The following TRIM61 variants were observed in gnomAD, a reference collection of about 807,000 sequenced individuals.
The protein encoded by TRIM61 is tripartite motif containing 61.
Under a neutral mutation model 14.2 loss-of-function variants are expected in TRIM61, and 1 was observed. That is an observed-to-expected ratio of 0.07 (90% confidence interval 0.03 to 0.33). TRIM61 has a LOEUF of 0.33. Among genes scored for constraint, TRIM61 ranks in the 10% least tolerant of loss-of-function variants. TRIM61 has a pLI of 0.99. For missense variants in TRIM61, 19 were observed against 202.2 expected, an observed-to-expected ratio of 0.09 and a Z score of 5.49; for synonymous variants, 8 against 71.6, an observed-to-expected ratio of 0.11 and a Z score of 4.49.
intron 3 of TRIM61, among the ~76,000 whole-genome samples, chr4:164,962,315 G>C (rs1338450819): frequency 2.0e-5 from 3 of 151,516 alleles, no homozygotes; most frequent in Non-Finnish European, 4.4e-5. Context: ...CCGCCTCCCG[G>C]GTTCACGCCA....
Position 164,969,226 on chromosome 4 carries a change from A to G in TRIM61, c.525+252T>C, listed in dbSNP as rs543245071. 15 of 1,334,798 alleles carry G rather than the reference A, an allele frequency of 1.1e-5. No individual in the cohort carries two copies. In the East Asian group the frequency reaches 1.9e-4, roughly 17 times the overall value. 82.7% of individuals were successfully genotyped at this position (1,334,798 alleles called of 1,614,324 possible). On this transcript the variant is annotated intron_variant, in intron 3 of 4. Transcript: ENST00000329314. ...ACAGCTCAGGGAATTTTAAATTCTC[A>G]TATCTGTGATAGATATCCTTAACAT...
intron 3 of TRIM61, chr4:164,959,191 C>T (rs372299973): frequency 1.2e-5 from 2 of 166,658 alleles, no homozygotes; most frequent in East Asian, 1.9e-4. Flanking sequence ...TTTCTAAACT[C>T]GACATGTAAT....
chr4:164,971,656 A>C (rs966226549), intron 2 of TRIM61, among the ~76,000 whole-genome samples: 1 of 152,130 alleles, frequency 6.6e-6, no homozygotes, highest in African/African-American at 2.4e-5. Context: ...ACAGGGGTGA[A>C]TCCAGGGAAA....
At chr4:164,957,237 G>A (rs753311953) in intron 3 of TRIM61, 6 of 1,604,248 alleles carry the variant, frequency 3.7e-6, no homozygotes, top group Non-Finnish European at 5.1e-6. Context: ...GTCCAACAGC[G>A]GTCGCTCCAC....
chr4:164,956,201 G>A (rs1289589735), intron 3 of TRIM61, among the ~76,000 whole-genome samples: 2 of 152,152 alleles, frequency 1.3e-5, no homozygotes, highest in Admixed American at 6.6e-5. Flanking sequence ...GAGTAGCTGG[G>A]ACCACAGGGG....
intron 2 of TRIM61, among the ~76,000 whole-genome samples, chr4:164,972,685 C>T (rs934040440): frequency 1.3e-5 from 2 of 152,160 alleles, no homozygotes; most frequent in African/African-American, 2.4e-5. Context: ...GACAGGGTTT[C>T]GCCATGTTGT....
chr4:164,960,237 T>C (rs1325683422), intron 3 of TRIM61, among the ~76,000 whole-genome samples: 1 of 152,134 alleles, frequency 6.6e-6, no homozygotes, highest in African/African-American at 2.4e-5. Flanking sequence ...CCTCCAGAAC[T>C]GTGAGACAAT....
At chr4:164,957,655 A>G in intron 3 of TRIM61, 1 of 892,426 alleles carries the variant, frequency 1.1e-6, no homozygotes, top group Non-Finnish European at 1.7e-6. Flanking sequence ...AAGAGATTAA[A>G]CTCTGATTTT....
intron 2 of TRIM61, among the ~76,000 whole-genome samples, chr4:164,975,350 G>T (rs1436610524): frequency 6.6e-6 from 1 of 152,044 alleles, no homozygotes; most frequent in Admixed American, 6.5e-5. Flanking sequence ...TACAAAAAAG[G>T]ACTCTAGCAC....
At position 164,977,530 on chromosome 4, in the gene TRIM61, C is replaced by T. The variant is rs74651789; in HGVS notation, c.-476+1G>A. On this transcript the variant is annotated splice_donor_variant, in intron 1 of 4. Transcript: ENST00000329314. LOFTEE classifies it low-confidence loss of function (5UTR_SPLICE). ...CCTTTCCTGCGGCCTTCCCAGCTCA[C>T]CTGGAGCAGACGGATCAGCAAATCC... 5,416 of 152,406 alleles carry T rather than the reference C, an allele frequency of 0.036. 133 individuals carry two copies. Among genetic ancestry groups the T allele is most frequent in the Middle Eastern group, 0.071 (21 of 294 alleles). The allele number at this position is 152,406 out of a possible 1,614,324, so 9.4% of individuals were successfully genotyped here.
intron 3 of TRIM61, among the ~76,000 whole-genome samples, chr4:164,961,394 A>G (rs1732134224): frequency 6.6e-6 from 1 of 151,830 alleles, no homozygotes; most frequent in South Asian, 2.1e-4. Flanking sequence ...GGAAATAATC[A>G]GTGAACTTGA....
chr4:164,956,947 G>T, intron 3 of TRIM61: 1 of 1,376,616 alleles, frequency 7.3e-7, no homozygotes, highest in Non-Finnish European at 9.6e-7. Flanking sequence ...ACCGTCTCTG[G>T]GCTTCGACTT....
At chr4:164,964,657 T>C (rs1288756518) in intron 3 of TRIM61, among the ~76,000 whole-genome samples, 1 of 152,112 alleles carries the variant, frequency 6.6e-6, no homozygotes, top group Non-Finnish European at 1.5e-5. Context: ...ACTGATTATG[T>C]AGGGGAAAAG....
At chr4:164,967,486 T>C (rs1732268469) in intron 3 of TRIM61, among the ~76,000 whole-genome samples, 1 of 152,108 alleles carries the variant, frequency 6.6e-6, no homozygotes, top group African/African-American at 2.4e-5. Context: ...GTTCCCAAAG[T>C]GAAGTGAAGG....
chr4:164,967,754 C>T (rs576300156), intron 3 of TRIM61, among the ~76,000 whole-genome samples: 1 of 151,728 alleles, frequency 6.6e-6, no homozygotes, highest in Non-Finnish European at 1.5e-5. Flanking sequence ...AACCCCAGTG[C>T]TTTGGGAGGC....
rs532835962 is a variant in TRIM61 at position 164,976,338 on chromosome 4, C to T, written c.-338+350G>A. ...TCTTTTCTCAGTCTCTCGTCCCACC[C>T]GACTAGAAATACCCACAGGTGTGGA... On this transcript the variant is annotated intron_variant, in intron 2 of 4. Transcript: ENST00000329314. Among the ~76,000 whole-genome samples, 203 of 152,260 alleles carry T rather than the reference C, an allele frequency of 1.3e-3. 1 individual carries two copies. The Middle Eastern group carries it at 0.017, about 13-fold the overall frequency.
chr4:164,973,161 A>C (rs777768165), intron 2 of TRIM61, among the ~76,000 whole-genome samples: 1 of 152,214 alleles, frequency 6.6e-6, no homozygotes, highest in African/African-American at 2.4e-5. Context: ...CACTATGCTA[A>C]GGATCTTCCA....
At chr4:164,972,334 C>T (rs10517825) in intron 2 of TRIM61, among the ~76,000 whole-genome samples, 85,087 of 152,096 alleles carry the variant, frequency 0.56, 24,892 homozygotes, top group African/African-American at 0.71. Context: ...TAATTCTTCT[C>T]GACCAAAGGA....
At position 164,963,795 on chromosome 4, in the gene TRIM61, A is replaced by G. The variant is rs1263666837; in HGVS notation, c.525+5683T>C. ...ACAAACTACATTATCAGACTATACAAAATTATAATAGATATTACAGAAAAA... is the reference window on the plus strand; with the variant it reads ...ACAAACTACATTATCAGACTATACAGAATTATAATAGATATTACAGAAAAA... On this transcript the variant is annotated intron_variant, in intron 3 of 4. Transcript: ENST00000329314. Among the ~76,000 whole-genome samples the G allele has an allele frequency of 3.9e-5, 6 of 152,070 alleles. No homozygotes were observed. In the South Asian group the frequency reaches 1.2e-3, roughly 32 times the overall value.
Sources: allele counts gnomAD v4.1 joint callset (sites outside exome capture counted in the v4.1 genomes callset), GRCh38; gene constraint gnomAD v4.1.1; transcripts MANE v1.5; gene names NCBI Gene and HGNC (gene_info 2026-07-23, HGNC 2026-07-21).